Variants in TRABD2B observed in about 807,000 individuals in gnomAD.
The protein encoded by TRABD2B is metalloprotease TIKI2.
In TRABD2B, 14 loss-of-function variants were observed where a neutral mutation model predicts 40.1. The ratio of observed to expected loss-of-function variants is 0.35; its 90% confidence interval spans 0.23 to 0.55. The LOEUF (loss-of-function observed/expected upper bound fraction) is 0.55, where lower values mean the gene tolerates loss of function less well. Ranked by LOEUF, TRABD2B falls within the 20% of genes least tolerant of loss-of-function variation. The pLI is 0.90. For missense variants in TRABD2B, 541 were observed against 648.6 expected (o/e 0.83, Z 1.80); for synonymous variants, 263 against 277.0 (o/e 0.95, Z 0.50).
intron 2 of TRABD2B, among the ~76,000 whole-genome samples, chr1:47,973,026 A>T (rs949375439): frequency 2.6e-5 from 4 of 152,192 alleles, no homozygotes; most frequent in African/African-American, 9.7e-5. Flanking sequence ...CTAGACAGAG[A>T]TCATGGCTCC....
At chr1:47,867,777 T>C (rs1435822850) in intron 2 of TRABD2B, among the ~76,000 whole-genome samples, 3 of 152,072 alleles carry the variant, frequency 2.0e-5, no homozygotes, top group Admixed American at 1.3e-4. Context: ...CAATGAGAAA[T>C]GGGCTCAAAA....
intron 2 of TRABD2B, among the ~76,000 whole-genome samples, chr1:47,979,271 A>G (rs912601436): frequency 5.3e-5 from 8 of 152,232 alleles, no homozygotes; most frequent in African/African-American, 9.6e-5. Flanking sequence ...AGCTACACAC[A>G]GGGTCCCTGC....
Position 47,863,095 on chromosome 1 carries a change from C to T in TRABD2B, c.667-61476G>A, listed in dbSNP as rs538279747. Among the ~76,000 whole-genome samples the T allele has an allele frequency of 1.5e-3, 223 of 151,788 alleles. 1 individual carries two copies. Among genetic ancestry groups the T allele is most frequent in the African/African-American group, 5.1e-3 (213 of 41,372 alleles). Reference sequence around the variant, plus strand: ...GAATCACAGCCCTAAATGTAAAACACGAAACTATGAAACTCCTAGAAGGTA... The same window carrying T: ...GAATCACAGCCCTAAATGTAAAACATGAAACTATGAAACTCCTAGAAGGTA... On this transcript the variant is annotated intron_variant, in intron 2 of 6. Transcript: ENST00000606738.
At chr1:47,908,588 C>G (rs558227859) in intron 2 of TRABD2B, among the ~76,000 whole-genome samples, 1 of 152,228 alleles carries the variant, frequency 6.6e-6, no homozygotes, top group Non-Finnish European at 1.5e-5. Context: ...CTCTCCTTCA[C>G]TCTCATTTCC....
intron 2 of TRABD2B, among the ~76,000 whole-genome samples, chr1:47,804,138 C>T (rs562786373): frequency 6.6e-6 from 1 of 152,356 alleles, no homozygotes; most frequent in Non-Finnish European, 1.5e-5. Flanking sequence ...GGCTGCTCCA[C>T]CTAATGAGCT....
intron 2 of TRABD2B, among the ~76,000 whole-genome samples, chr1:47,914,579 G>A (rs895989619): frequency 1.3e-5 from 2 of 152,258 alleles, no homozygotes; most frequent in Non-Finnish European, 2.9e-5. Context: ...AATCTGGGGT[G>A]AGTGCTGGTA....
intron 2 of TRABD2B, among the ~76,000 whole-genome samples, chr1:47,984,625 TG>T (rs1277112099): frequency 6.6e-6 from 1 of 152,192 alleles, no homozygotes; most frequent in Admixed American, 6.5e-5. Flanking sequence ...GGCCCTCAAA[TG>T]CACAACTCGC....
At chr1:47,784,637 C>T (rs774806421) in intron 4 of TRABD2B, among the ~76,000 whole-genome samples, 2 of 152,160 alleles carry the variant, frequency 1.3e-5, no homozygotes, top group Admixed American at 6.6e-5. Flanking sequence ...ACAGGCCGGC[C>T]GGATATCAAG....
intron 2 of TRABD2B, among the ~76,000 whole-genome samples, chr1:47,831,452 A>C (rs1380999665): frequency 6.6e-6 from 1 of 152,108 alleles, no homozygotes; most frequent in Non-Finnish European, 1.5e-5. Flanking sequence ...GTTCGCAGGC[A>C]TGTGTGTATA....
At chr1:47,810,368 C>A (rs1243123685) in intron 2 of TRABD2B, among the ~76,000 whole-genome samples, 1 of 151,818 alleles carries the variant, frequency 6.6e-6, no homozygotes, top group African/African-American at 2.4e-5. Context: ...TCACCCCCTG[C>A]CCCCCCGCCA....
intron 2 of TRABD2B, among the ~76,000 whole-genome samples, chr1:47,816,657 A>G (rs1479917659): frequency 6.6e-6 from 1 of 151,874 alleles, no homozygotes; most frequent in Non-Finnish European, 1.5e-5. Context: ...CCCCAGATCC[A>G]CTCAGGGGCC....
rs987125797 is a variant in TRABD2B, at chr1:47,813,857, G to A, written c.667-12238C>T. Among the ~76,000 whole-genome samples the A allele has an allele frequency of 6.6e-5, 10 of 152,190 alleles. No individual in the cohort carries two copies. The highest frequency in any genetic ancestry group is 2.6e-4 in the Admixed American group (4 of 15,284). ...TGGACTAGTGCTAGGCTCTGTGCTG[G>A]GTGCCAAGGCCATGGGACCAAATCA... On this transcript the variant is annotated intron_variant, in intron 2 of 6. Coordinates refer to ENST00000606738, the MANE Select transcript of TRABD2B (RefSeq NM_001194986.2). This position sits in a 1 kb window ranked among gnomAD's most constrained non-coding sequence, Gnocchi z 4.3.
intron 4 of TRABD2B, among the ~76,000 whole-genome samples, chr1:47,791,116 C>A (rs2124191733): frequency 6.6e-6 from 1 of 152,340 alleles, no homozygotes; most frequent in African/African-American, 2.4e-5. Flanking sequence ...TCTGTCCTCG[C>A]AGGCTCTCAG....
At chr1:47,898,504 C>T (rs990187457) in intron 2 of TRABD2B, among the ~76,000 whole-genome samples, 5 of 152,198 alleles carry the variant, frequency 3.3e-5, no homozygotes, top group Non-Finnish European at 5.9e-5. Context: ...TGGGTGGGAA[C>T]AGTCAAGAGC....
intron 2 of TRABD2B, among the ~76,000 whole-genome samples, chr1:47,865,115 C>T (rs962449572): frequency 6.6e-6 from 1 of 152,296 alleles, no homozygotes; most frequent in African/African-American, 2.4e-5. Context: ...CAAGTGGGTC[C>T]TCCCCAAGAA....
At chr1:47,984,046 C>T (rs889718067) in intron 2 of TRABD2B, among the ~76,000 whole-genome samples, 3 of 152,234 alleles carry the variant, frequency 2.0e-5, no homozygotes, top group Non-Finnish European at 4.4e-5. Flanking sequence ...GAATGGGACC[C>T]CAGGCTTAAA....
chr1:47,782,090 G>T (rs1002411875), intron 4 of TRABD2B, among the ~76,000 whole-genome samples: 1 of 152,114 alleles, frequency 6.6e-6, no homozygotes, highest in Non-Finnish European at 1.5e-5. Context: ...GACCACTCTG[G>T]AATTGCCACT....
At position 47,994,254 on chromosome 1, in the gene TRABD2B, T is replaced by C; in HGVS notation, c.446A>G (p.Tyr149Cys). The C allele has an allele frequency of 6.5e-7, 1 of 1,538,468 alleles. No homozygotes were observed. The highest frequency in any genetic ancestry group is 1.4e-5 in the African/African-American group (1 of 73,248). ...GTTGCCCGCGATGGCATTGAATAGG[T>C]AGTCAGCATAGAGCCCCTTGCCCCG... The part of the protein sequence containing the change: ...AQRGKGLYAD[Y>C]LFNAIAGNWE... The change falls in exon 2 of 7, where the codon TAC (tyrosine) becomes TGC (cysteine). Residue 149 changes from tyrosine (Y) to cysteine (C), a missense_variant. By Grantham distance (194) the Tyr-to-Cys change is radical (BLOSUM62 -2). Coordinates refer to ENST00000606738, the MANE Select transcript of TRABD2B (RefSeq NM_001194986.2). The surrounding 1 kb of genome is among the most constrained non-coding windows in gnomAD (Gnocchi z 6.7).
At chr1:47,916,054 C>T (rs1179438836) in intron 2 of TRABD2B, among the ~76,000 whole-genome samples, 7 of 152,018 alleles carry the variant, frequency 4.6e-5, no homozygotes, top group African/African-American at 1.4e-4. Flanking sequence ...GCTGAGGACG[C>T]CGCAGACAGC....
Sources: allele counts gnomAD v4.1 joint callset (sites outside exome capture counted in the v4.1 genomes callset), GRCh38; gene constraint gnomAD v4.1.1; non-coding constraint Gnocchi (gnomAD v3.1); transcripts MANE v1.5; gene names NCBI Gene and HGNC (gene_info 2026-07-23, HGNC 2026-07-21).